Variants in POLA2 observed in about 807,000 individuals in gnomAD.
The protein encoded by POLA2 is DNA polymerase alpha subunit B.
Under a neutral mutation model 82.8 loss-of-function variants are expected in POLA2, and 47 were observed. The observed-to-expected ratio is 0.57, with a 90% confidence interval of 0.45 to 0.72. The LOEUF is 0.72. POLA2 is among the 30% of genes least tolerant of loss of function. The probability of loss-of-function intolerance (pLI) is 0.00; values close to 1 mark genes in which losing one functional copy is unlikely to be tolerated. For missense variants in POLA2, 634 were observed against 728.1 expected, an observed-to-expected ratio of 0.87 and a Z score of 1.49; for synonymous variants, 287 against 286.8, an observed-to-expected ratio of 1.00 and a Z score of -0.01.
chr11:65,276,041 C>T, intron 5 of POLA2, 43 bp downstream of exon 5: 1 of 1,110,170 alleles, frequency 9.0e-7, no homozygotes, highest in Non-Finnish European at 1.3e-6. Context: ...GCTGGCCTCC[C>T]CTCCCCTTTC....
At chr11:65,302,414 G>T (rs1439499049), downstream of POLA2, among the ~76,000 whole-genome samples, 1 of 152,224 alleles carries the variant, frequency 6.6e-6, no homozygotes, top group South Asian at 2.1e-4. Flanking sequence ...ACAGGGTGGG[G>T]ACCCTGCCCT....
chr11:65,278,589 C>T lies in POLA2; in HGVS notation c.462-141C>T, dbSNP rs138923345. 8.6e-5 allele frequency: 59 copies of T among 685,228 alleles called. No individual in the cohort carries two copies. In the African/African-American group the frequency reaches 9.5e-4, roughly 11 times the overall value. The allele number at this position is 685,228 out of a possible 1,614,324, so 42.4% of individuals were successfully genotyped here. On this transcript the variant is annotated intron_variant, in intron 5 of 17. Transcript: ENST00000265465. The stretch of plus-strand genomic sequence containing the variant: ...TCCTTAAAGGTCTGGGTATGTCCAA[C>T]CCCATTAAACTGATTCAATTTATAA...
intron 7 of POLA2, chr11:65,280,510 C>T (rs1949628522): frequency 6.5e-6 from 1 of 152,940 alleles, no homozygotes; most frequent in Admixed American, 6.5e-5. Flanking sequence ...TTTTCCTCAT[C>T]TGTAAAATGG....
In POLA2 at chr11:65,278,872, C is replaced by G. The variant is rs745565793; in HGVS notation, c.604C>G (p.Leu202Val). ...GAAGGTCTTGGGATGTCCAGAGGCA[C>G]TAACTGGGAGCTACAAATCCATGTT... ...SLKVLGCPEA[L>V]TGSYKSMFQK... Residue 202 changes from leucine to valine, a missense_variant, in exon 6 of 18, where the codon CTA becomes GTA. Transcript: ENST00000265465. 1.2e-6 allele frequency: 2 copies of G among 1,613,652 alleles called. No individual in the cohort carries two copies. The highest frequency in any genetic ancestry group is 4.5e-5 in the East Asian group (2 of 44,896).
chr11:65,275,034 G>A lies in POLA2; in HGVS notation c.355-858G>A, dbSNP rs984873531. ...TACCATTAAGGAATATTCAAAACTGGTTATTATATCAGGGTAGTAGAATAA... is the reference window on the plus strand; with the variant it reads ...TACCATTAAGGAATATTCAAAACTGATTATTATATCAGGGTAGTAGAATAA... On this transcript the variant is annotated intron_variant, in intron 4 of 17. Transcript: ENST00000265465. Among the ~76,000 whole-genome samples the A allele has an allele frequency of 1.4e-4, 22 of 152,092 alleles. No individual in the cohort carries two copies. In the East Asian group the frequency reaches 4.1e-3, roughly 28 times the overall value.
At chr11:65,292,291 C>T (rs913778615) in intron 13 of POLA2, among the ~76,000 whole-genome samples, 27 of 152,168 alleles carry the variant, frequency 1.8e-4, no homozygotes, top group Admixed American at 1.4e-3. Context: ...GCAGAGCCCG[C>T]GGTTCTCGTC....
rs1949722730 is a variant in POLA2, at chr11:65,288,578, C to A, written c.1132-472C>A. ...CTAGGCTGGAGTGCTGTGGTGCGAT[C>A]TCGGCTCACTATAGCCTCCACCTCC... is the stretch of plus-strand genomic sequence containing the variant. On this transcript the variant is annotated intron_variant, in intron 11 of 17. Transcript: ENST00000265465. Among the ~76,000 whole-genome samples the A allele has an allele frequency of 3.6e-5, 5 of 137,198 alleles. No individual in the cohort carries two copies. In the South Asian group the frequency reaches 9.5e-4, roughly 26 times the overall value. 90.0% of individuals were successfully genotyped at this position (137,198 alleles called of 152,430 possible). A position where few individuals can be genotyped will look rare whatever the true frequency, so the allele number is the denominator to read the frequency against.
chr11:65,273,488 G>A (rs1319700798), intron 4 of POLA2, among the ~76,000 whole-genome samples: 1 of 152,142 alleles, frequency 6.6e-6, no homozygotes, highest in Admixed American at 6.5e-5. Flanking sequence ...ACTGTGCCTT[G>A]TTTACCAAAG....
At chr11:65,295,219 TG>T (rs1949797196) in intron 15 of POLA2, among the ~76,000 whole-genome samples, 1 of 152,250 alleles carries the variant, frequency 6.6e-6, no homozygotes, top group Non-Finnish European at 1.5e-5. Context: ...CAGGTCAGCC[TG>T]GCTACACACC....
chr11:65,267,446 A>G (rs1949473159), intron 2 of POLA2, 31 bp from the exon 3 acceptor site: 1 of 1,352,660 alleles, frequency 7.4e-7, no homozygotes, highest in East Asian at 2.3e-5. Context: ...TTGACTATGA[A>G]GTACTGTATT....
chr11:65,305,502 C>G (rs1428265499), exon 9 of POLA2: 1 of 418,444 alleles, frequency 2.4e-6, no homozygotes, highest in East Asian at 7.1e-5. Context: ...GACAAGCTGA[C>G]AGAGCTGACA....
intron 17 of POLA2, chr11:65,296,301 T>A (rs1017286874): frequency 3.7e-6 from 1 of 272,816 alleles, no homozygotes; most frequent in African/African-American, 2.2e-5. Flanking sequence ...ATTTCATATG[T>A]ACACTTGCCT....
intron 13 of POLA2, 133 bp downstream of exon 13, chr11:65,290,005 T>C: frequency 1.7e-6 from 1 of 599,262 alleles, no homozygotes; most frequent in East Asian, 3.0e-5. Context: ...TCCCAGCACT[T>C]TGGGAGGCCG....
intron 4 of POLA2, among the ~76,000 whole-genome samples, chr11:65,275,222 A>G (rs1472643072): frequency 1.3e-5 from 2 of 152,190 alleles, no homozygotes; most frequent in African/African-American, 4.8e-5. Flanking sequence ...GCTGCAGACT[A>G]GCTGGCTTCC....
chr11:65,288,032 G>A (rs909063413), intron 11 of POLA2, among the ~76,000 whole-genome samples, 192 bp downstream of exon 11: 1 of 152,086 alleles, frequency 6.6e-6, no homozygotes, highest in East Asian at 1.9e-4. Context: ...TTGGCCGGGC[G>A]CAGTGGCTCA....
At chr11:65,300,203 CT>C (rs1028301317), downstream of POLA2, among the ~76,000 whole-genome samples, 4 of 151,182 alleles carry the variant, frequency 2.6e-5, no homozygotes, top group Non-Finnish European at 4.4e-5. Flanking sequence ...AATACATCCT[CT>C]TTTTTTTTGA....
intron 5 of POLA2, among the ~76,000 whole-genome samples, chr11:65,278,262 T>G (rs944458939): frequency 6.6e-6 from 1 of 152,228 alleles, no homozygotes; most frequent in African/African-American, 2.4e-5. Context: ...TTGAATTTCA[T>G]TTTATTGTTG....
intron 8 of POLA2, 73 bp from the exon 9 acceptor site, chr11:65,281,597 T>A (rs1949641683): frequency 2.8e-6 from 3 of 1,084,028 alleles, no homozygotes; most frequent in Middle Eastern, 2.0e-4. Flanking sequence ...TGCTTTTAAC[T>A]GCCTCAAAAT....
intron 4 of POLA2, among the ~76,000 whole-genome samples, chr11:65,274,276 C>T (rs759247611): frequency 1.3e-5 from 2 of 151,478 alleles, no homozygotes; most frequent in African/African-American, 2.4e-5. Flanking sequence ...CACTTGAACA[C>T]GGGAGGTGGA....
Sources: gnomAD v4.1 joint callset for allele counts (sites outside exome capture counted in the v4.1 genomes callset) on GRCh38, gnomAD v4.1.1 for gene constraint, MANE v1.5 for transcripts, NCBI Gene and HGNC (gene_info 2026-07-23, HGNC 2026-07-21) for gene names.